The following DCAF8L2 variants were observed in gnomAD, a reference collection of about 807,000 sequenced individuals.
The protein encoded by DCAF8L2 is DDB1- and CUL4-associated factor 8-like protein 2.
For missense variants in DCAF8L2, 430 were observed against 490.7 expected (o/e 0.88, Z 1.17); for synonymous variants, 200 against 190.9 (o/e 1.05, Z -0.39).
the DCAF8L2 span, among the ~76,000 whole-genome samples, chrX:27,543,709 G>A: frequency 9.0e-6 from 1 of 111,181 alleles, no homozygotes; most frequent in African/African-American, 3.3e-5. Context: ...TTTTATGACT[G>A]GCTTTGGGGA....
chrX:27,723,187 T>C (rs1931956706), intron 4 of DCAF8L2, among the ~76,000 whole-genome samples: 1 of 110,201 alleles, frequency 9.1e-6, no homozygotes, highest in African/African-American at 3.3e-5. Context: ...ATTTATAAAT[T>C]ATAAAATTTA....
chrX:27,686,746 G>A (rs1397189277), intron 3 of DCAF8L2, among the ~76,000 whole-genome samples: 1 of 112,134 alleles, frequency 8.9e-6, no homozygotes, highest in Non-Finnish European at 1.9e-5. Flanking sequence ...CCAACAGATA[G>A]AAATGATAAA....
chrX:27,643,585 A>G (rs1051051272), intron 2 of DCAF8L2, among the ~76,000 whole-genome samples: 3 of 111,984 alleles, frequency 2.7e-5, no homozygotes, highest in Non-Finnish European at 5.6e-5. Flanking sequence ...ATATAGCTAC[A>G]ATTTTAAAGC....
the DCAF8L2 span, among the ~76,000 whole-genome samples, chrX:27,568,718 T>C: frequency 7.5e-5 from 8 of 107,296 alleles, no homozygotes; most frequent in Non-Finnish European, 1.2e-4. Context: ...ATGTGCACAA[T>C]GTGCAGATTA....
At chrX:27,733,041 T>A (rs1921310087) in intron 4 of DCAF8L2, among the ~76,000 whole-genome samples, 2 of 110,347 alleles carry the variant, frequency 1.8e-5, no homozygotes. Context: ...ATATTTTTAG[T>A]AGAGACTGGG....
At chrX:27,581,099 A>G in the DCAF8L2 span, among the ~76,000 whole-genome samples, 14 of 112,256 alleles carry the variant, frequency 1.2e-4, no homozygotes, top group African/African-American at 4.5e-4. Flanking sequence ...ACATAATTCA[A>G]TGACTAACCA....
At chrX:27,670,428 C>T (rs768199775) in intron 2 of DCAF8L2, among the ~76,000 whole-genome samples, 1 of 111,141 alleles carries the variant, frequency 9.0e-6, no homozygotes, top group Admixed American at 9.7e-5. Flanking sequence ...TGCTTGTCTT[C>T]AAGTGCCAAA....
intron 4 of DCAF8L2, among the ~76,000 whole-genome samples, chrX:27,729,194 C>T (rs961449255): frequency 9.0e-6 from 1 of 111,430 alleles, no homozygotes; most frequent in African/African-American, 3.3e-5. Context: ...AGTGGGGAGT[C>T]TTCAGTTCTT....
At chrX:27,716,615 C>G (rs1398524123) in intron 4 of DCAF8L2, among the ~76,000 whole-genome samples, 4 of 112,304 alleles carry the variant, frequency 3.6e-5, no homozygotes. Flanking sequence ...CATCAGCTCC[C>G]ATAGGAAATG....
At chrX:27,475,687 T>G in the DCAF8L2 span, among the ~76,000 whole-genome samples, 1 of 100,246 alleles carries the variant, frequency 1.0e-5, no homozygotes, top group Non-Finnish European at 2.0e-5. Context: ...TTTTTGCATC[T>G]AAATTTTGCC....
the DCAF8L2 span, among the ~76,000 whole-genome samples, chrX:27,481,298 A>G: frequency 9.0e-6 from 1 of 110,669 alleles, no homozygotes; most frequent in South Asian, 3.9e-4. Flanking sequence ...GGATCACTTG[A>G]ACCTAGGGGA....
the DCAF8L2 span, among the ~76,000 whole-genome samples, chrX:27,505,000 A>C: frequency 9.0e-6 from 1 of 111,543 alleles, no homozygotes; most frequent in African/African-American, 3.3e-5. Flanking sequence ...ACCTCTGCCC[A>C]GTGTTACTCC....
chrX:27,656,437 CACA>C (rs1929354909), intron 2 of DCAF8L2, among the ~76,000 whole-genome samples: 2 of 111,491 alleles, frequency 1.8e-5, no homozygotes, highest in Admixed American at 9.6e-5. Context: ...AAATGATAAC[CACA>C]ACAATAGCTA....
At chrX:27,689,232 TTGAC>T (rs1930620464) in intron 3 of DCAF8L2, among the ~76,000 whole-genome samples, 1 of 112,323 alleles carries the variant, frequency 8.9e-6, no homozygotes, top group African/African-American at 3.2e-5. Context: ...ACAAGATTGA[TTGAC>T]TGATTGATTG....
intron 2 of DCAF8L2, among the ~76,000 whole-genome samples, chrX:27,647,932 T>A (rs1263114593): frequency 9.0e-6 from 1 of 111,634 alleles, no homozygotes; most frequent in Non-Finnish European, 1.9e-5. Flanking sequence ...ACCCACATAG[T>A]CCATAAAATT....
At chrX:27,621,879 A>G (rs1405114017) in intron 1 of DCAF8L2, among the ~76,000 whole-genome samples, 4 of 110,390 alleles carry the variant, frequency 3.6e-5, no homozygotes, top group Non-Finnish European at 7.6e-5. Context: ...CTGTAGTCCC[A>G]GCTACTCAGG....
chrX:27,605,333 A>T (rs1926822786), intron 1 of DCAF8L2, among the ~76,000 whole-genome samples: 1 of 111,667 alleles, frequency 9.0e-6, no homozygotes, highest in African/African-American at 3.2e-5. Context: ...TTAAATGAAA[A>T]TTTTCAGCTC....
intron 1 of DCAF8L2, among the ~76,000 whole-genome samples, chrX:27,604,665 C>G (rs778550421): frequency 7.2e-5 from 8 of 111,862 alleles, no homozygotes; most frequent in Non-Finnish European, 1.5e-4. Context: ...ACTGGTGTGA[C>G]AAAGTGTAGA....
chrX:27,590,991 T>TTATATATATATATATATATA (rs10571931), intron 1 of DCAF8L2, among the ~76,000 whole-genome samples: 1,835 of 67,713 alleles, frequency 0.027, 72 homozygotes, highest in Non-Finnish European at 0.041. Context: ...CCTTTACATT[T>TTATATATATATATATATATA]TATATATATA....
Sources: gnomAD v4.1 joint callset for allele counts (sites outside exome capture counted in the v4.1 genomes callset) on GRCh38, gnomAD v4.1.1 for gene constraint, MANE v1.5 for transcripts, NCBI Gene and HGNC (gene_info 2026-07-23, HGNC 2026-07-21) for gene names.